Variants in MAP3K4 observed in about 807,000 individuals in gnomAD.
MAP3K4 encodes mitogen-activated protein kinase kinase kinase 4.
In MAP3K4, 67 loss-of-function variants were observed where a neutral mutation model predicts 185.6. That is an observed-to-expected ratio of 0.36 (90% confidence interval 0.30 to 0.44). The LOEUF is 0.44. Among genes scored for constraint, MAP3K4 ranks in the 20% least tolerant of loss-of-function variants. The pLI is 1.00. For missense variants in MAP3K4, 1,551 were observed against 1,995.1 expected (o/e 0.78, Z 4.24); for synonymous variants, 702 against 710.4 (o/e 0.99, Z 0.19).
rs1024696121 is a variant in MAP3K4, at chr6:161,106,647, T to C, written c.3990T>C (p.Asn1330=). 22 of 1,613,528 alleles carry C rather than the reference T, an allele frequency of 1.4e-5. No individual in the cohort carries two copies. The African/African-American group carries it at 2.3e-4, about 17-fold the overall frequency. The change falls in exon 20 of 27, where the codon AAT becomes AAC. Residue 1330 remains asparagine (N), a synonymous_variant. Transcript: ENST00000392142. The surrounding 1 kb of genome is among the most constrained non-coding windows in gnomAD (Gnocchi z 4.9). ...QVCDTPKSYD[N]VMHVGLRKVT... ...GTGATACGCCTAAGTCCTATGATAA[T>C]GTTATGCACGTTGGCTTGAGGAAGG...
chr6:161,098,113 G>T lies in MAP3K4; in HGVS notation c.3525-165G>T, dbSNP rs927785857. 2.1e-5 allele frequency: 17 copies of T among 823,268 alleles called. No homozygotes were observed. The highest frequency in any genetic ancestry group is 3.2e-5 in the Non-Finnish European group (17 of 532,384). The allele number at this position is 823,268 out of a possible 1,614,324, so 51.0% of individuals were successfully genotyped here. A position where few individuals can be genotyped will look rare whatever the true frequency, so the allele number is the denominator to read the frequency against. On this transcript the variant is annotated intron_variant, in intron 16 of 26. Transcript: ENST00000392142. The surrounding 1 kb of genome is among the most constrained non-coding windows in gnomAD (Gnocchi z 4.4). ...AAAAAAAGAAAAGCTTTGAAGTTAG[G>T]TTTTTTCTTTTTTACACCTAGACTC... is the stretch of plus-strand genomic sequence containing the variant.
At chr6:161,044,166 T>C (rs1783614913) in intron 2 of MAP3K4, among the ~76,000 whole-genome samples, 1 of 152,218 alleles carries the variant, frequency 6.6e-6, no homozygotes, top group Admixed American at 6.5e-5. Context: ...GCTTTAATTG[T>C]GCTACAAAAA....
chr6:161,001,130 A>G (rs901376962), intron 1 of MAP3K4, among the ~76,000 whole-genome samples: 7 of 146,434 alleles, frequency 4.8e-5, no homozygotes, highest in Non-Finnish European at 9.0e-5. Context: ...CATATATAAT[A>G]CAAGTGTATA....
chr6:161,101,817 C>G lies in MAP3K4; in HGVS notation c.3675-75C>G. The G allele has an allele frequency of 7.9e-7, 1 of 1,273,052 alleles. No individual in the cohort carries two copies. Among genetic ancestry groups the G allele is most frequent in the Non-Finnish European group, 1.1e-6 (1 of 887,848 alleles). The allele number at this position is 1,273,052 out of a possible 1,614,324, so 78.9% of individuals were successfully genotyped here. A position where few individuals can be genotyped will look rare whatever the true frequency, so the allele number is the denominator to read the frequency against. ...TTGCCCCCAGTTGAGAATTATTGCT[C>G]TAGAAAAATCTCGCAGATCTTTCAT... On this transcript the variant is annotated intron_variant, in intron 17 of 26. Coordinates refer to ENST00000392142, the MANE Select transcript of MAP3K4 (RefSeq NM_005922.4). The surrounding 1 kb of genome is among the most constrained non-coding windows in gnomAD (Gnocchi z 5.1).
At chr6:161,005,139 CTTTT>C (rs1178412146) in intron 1 of MAP3K4, among the ~76,000 whole-genome samples, 1 of 140,810 alleles carries the variant, frequency 7.1e-6, no homozygotes, top group Non-Finnish European at 1.6e-5. Flanking sequence ...AGTATATAAA[CTTTT>C]TTTTTTTTTT....
intron 1 of MAP3K4, among the ~76,000 whole-genome samples, chr6:161,006,991 T>A (rs1781617866): frequency 6.6e-6 from 1 of 152,156 alleles, no homozygotes; most frequent in South Asian, 2.1e-4. Context: ...TTATGGAGAT[T>A]GACAAACTGT....
At chr6:161,052,413 T>A (rs537108836) in intron 3 of MAP3K4, among the ~76,000 whole-genome samples, 119 of 152,330 alleles carry the variant, frequency 7.8e-4, no homozygotes, top group African/African-American at 2.8e-3. Context: ...ATCTTTGTTA[T>A]AGAAGAAAAG....
At chr6:161,090,899 A>G (rs986756263) in intron 11 of MAP3K4, among the ~76,000 whole-genome samples, 1 of 152,226 alleles carries the variant, frequency 6.6e-6, no homozygotes, top group East Asian at 1.9e-4. Flanking sequence ...TTGACCATCA[A>G]AAACTTCTCT....
chr6:161,114,983 A>G lies in MAP3K4; in HGVS notation c.4627-140A>G. 1.5e-6 allele frequency: 1 copy of G among 651,362 alleles called. No homozygotes were observed. Among genetic ancestry groups the G allele is most frequent in the East Asian group, 2.7e-5 (1 of 36,892 alleles). The allele number at this position is 651,362 out of a possible 1,614,324, so 40.3% of individuals were successfully genotyped here. A position where few individuals can be genotyped will look rare whatever the true frequency, so the allele number is the denominator to read the frequency against. On this transcript the variant is annotated intron_variant, in intron 25 of 26. Transcript: ENST00000392142. The surrounding 1 kb of genome is among the most constrained non-coding windows in gnomAD (Gnocchi z 4.3). ...AGATCATATGGCCTGTCAACCTAAA[A>G]TATTGTTTGGCCCTTTCAGTAAAAA...
At chr6:161,104,684 C>T (rs1424446711) in intron 19 of MAP3K4, among the ~76,000 whole-genome samples, 1 of 137,400 alleles carries the variant, frequency 7.3e-6, no homozygotes, top group South Asian at 2.3e-4. Context: ...GTACTCCAGC[C>T]TGGTGACAGA....
At position 161,107,725 on chromosome 6, in the gene MAP3K4, T is replaced by TTA. The variant is rs1778150304; in HGVS notation, c.4049-174_4049-173insTA. On this transcript the variant is annotated intron_variant, in intron 20 of 26. Transcript: ENST00000392142. The surrounding 1 kb of genome is among the most constrained non-coding windows in gnomAD (Gnocchi z 6.2). The stretch of plus-strand genomic sequence containing the variant: ...TAAAGAGATTGCCTAAAACTTTAGT[T>TTA]ATCAGGGAACATTTAGAAAAATTTT... Among the ~76,000 whole-genome samples the TTA allele has an allele frequency of 6.6e-6, 1 of 152,238 alleles. No homozygotes were observed. The highest frequency in any genetic ancestry group is 1.5e-5 in the Non-Finnish European group (1 of 68,040).
chr6:161,108,981 A>C lies in MAP3K4; in HGVS notation c.4236+122A>C. ...AGTAACTTTGCCTAATTCTCAGGAA[A>C]TCTCCATGAGTTACATCATTTCTGC... On this transcript the variant is annotated intron_variant, in intron 22 of 26. Transcript: ENST00000392142. The surrounding 1 kb of genome is among the most constrained non-coding windows in gnomAD (Gnocchi z 5.7). 1 of 1,607,440 alleles carries C rather than the reference A, an allele frequency of 6.2e-7. No individual in the cohort carries two copies. Among genetic ancestry groups the C allele is most frequent in the Non-Finnish European group, 8.5e-7 (1 of 1,178,612 alleles).
At chr6:161,058,707 A>G (rs1784354690) in intron 3 of MAP3K4, among the ~76,000 whole-genome samples, 1 of 152,094 alleles carries the variant, frequency 6.6e-6, no homozygotes, top group Admixed American at 6.5e-5. Context: ...TAATCCTACT[A>G]CAACTTGAAG....
At position 161,048,707 on chromosome 6, in the gene MAP3K4, G is replaced by C; in HGVS notation, c.435G>C (p.Lys145Asn). 5.0e-6 allele frequency: 8 copies of C among 1,613,906 alleles called. No homozygotes were observed. Among genetic ancestry groups the C allele is most frequent in the Non-Finnish European group, 6.8e-6 (8 of 1,179,964 alleles). The change falls in exon 3 of 27, where the codon AAG (lysine) becomes AAC (asparagine). Residue 145 changes from lysine to asparagine, a missense_variant. Coordinates refer to ENST00000392142, the MANE Select transcript of MAP3K4 (RefSeq NM_005922.4). The surrounding 1 kb of genome is among the most constrained non-coding windows in gnomAD (Gnocchi z 4.7). ...VEEYSYKQEKKIRAALRTTER... is the reference protein window; with the variant it reads ...VEEYSYKQEKNIRAALRTTER... ...AATACAGCTATAAGCAGGAGAAAAA[G>C]ATCCGAGCAGCTCTTAGAACAACAG... is the stretch of plus-strand genomic sequence containing the variant.
Position 161,034,725 on chromosome 6 carries a change from A to G in MAP3K4, c.343+276A>G, listed in dbSNP as rs1421936901. Among the ~76,000 whole-genome samples the G allele has an allele frequency of 2.0e-5, 3 of 152,326 alleles. No individual in the cohort carries two copies. The highest frequency in any genetic ancestry group is 3.9e-4 in the East Asian group (2 of 5,184). ...AAATGTTTCCCAGTGTACTAATACAAGATGGCAACTGGTTACATGGGATAG... is the reference window on the plus strand; with the variant it reads ...AAATGTTTCCCAGTGTACTAATACAGGATGGCAACTGGTTACATGGGATAG... On this transcript the variant is annotated intron_variant, in intron 2 of 26. Transcript: ENST00000392142. This position sits in a 1 kb window ranked among gnomAD's most constrained non-coding sequence, Gnocchi z 4.4.
rs1321228730 is a variant in MAP3K4 at position 161,097,137 on chromosome 6, C to T, written c.3485C>T (p.Pro1162Leu). The T allele has an allele frequency of 3.1e-6, 5 of 1,614,038 alleles. No individual in the cohort carries two copies. Among genetic ancestry groups the T allele is most frequent in the Non-Finnish European group, 3.4e-6 (4 of 1,180,030 alleles). The part of the protein sequence containing the change: ...MKVPRCHSDP[P>L]NPHLIIPTPE... ...GTACCTCGATGCCATAGTGACCCTC[C>T]TAACCCACACCTCATTATCCCCACT... The change falls in exon 16 of 27, where the codon CCT (proline) becomes CTT (leucine). Residue 1162 changes from proline (P) to leucine (L), a missense_variant. This residue lies in a region of MAP3K4 where 272 missense variants were observed against 301.2 expected (regional missense o/e 0.90). Coordinates refer to ENST00000392142, the MANE Select transcript of MAP3K4 (RefSeq NM_005922.4). The surrounding 1 kb of genome is among the most constrained non-coding windows in gnomAD (Gnocchi z 4.9).
chr6:160,993,005 C>T (rs372359043), intron 1 of MAP3K4, among the ~76,000 whole-genome samples: 1 of 152,140 alleles, frequency 6.6e-6, no homozygotes, highest in African/African-American at 2.4e-5. Flanking sequence ...ATCTTATGGT[C>T]TTGCTCTATG....
At position 161,096,133 on chromosome 6, in the gene MAP3K4, C is replaced by T. The variant is rs1423713725; in HGVS notation, c.3428-947C>T. On this transcript the variant is annotated intron_variant, in intron 15 of 26. Coordinates refer to ENST00000392142, the MANE Select transcript of MAP3K4 (RefSeq NM_005922.4). This position sits in a 1 kb window ranked among gnomAD's most constrained non-coding sequence, Gnocchi z 4.9. ...AAATTGCCTGAGGGTTTTTTGTTAA[C>T]AATCCCTTAAGTTTTGTTTTGTAAG... 6.6e-6 allele frequency among the ~76,000 whole-genome samples: 1 copy of T among 152,042 alleles called. No individual in the cohort carries two copies. Among genetic ancestry groups the T allele is most frequent in the Non-Finnish European group, 1.5e-5 (1 of 68,002 alleles).
At position 161,077,674 on chromosome 6, in the gene MAP3K4, A is replaced by C. The variant is rs1785245284; in HGVS notation, c.2098-3207A>C. ...ATTCAGAAAGAAGTATAAGGATTCA[A>C]AGGAAACGTAGGCAGTGAAATGGCA... On this transcript the variant is annotated intron_variant, in intron 5 of 26. Coordinates refer to ENST00000392142, the MANE Select transcript of MAP3K4 (RefSeq NM_005922.4). The surrounding 1 kb of genome is among the most constrained non-coding windows in gnomAD (Gnocchi z 4.3). Among the ~76,000 whole-genome samples the C allele has an allele frequency of 6.6e-6, 1 of 152,190 alleles. No homozygotes were observed. Among genetic ancestry groups the C allele is most frequent in the South Asian group, 2.1e-4 (1 of 4,820 alleles).
Sources: gnomAD v4.1 joint callset for allele counts (sites outside exome capture counted in the v4.1 genomes callset) on GRCh38, gnomAD v4.1.1 for gene constraint, gnomAD v4.1.1 regional missense constraint, Gnocchi (gnomAD v3.1) non-coding constraint, MANE v1.5 for transcripts, NCBI Gene and HGNC (gene_info 2026-07-23, HGNC 2026-07-21) for gene names.